The following DTNA variants were observed in gnomAD, a reference collection of about 807,000 sequenced individuals.
The protein encoded by DTNA is dystrophin-related protein 3.
In DTNA, 43 loss-of-function variants were observed where a neutral mutation model predicts 100.7. The ratio of observed to expected loss-of-function variants is 0.43; its 90% CI spans 0.33 to 0.55. DTNA has a LOEUF of 0.55. Among genes scored for constraint, DTNA ranks in the 20% least tolerant of loss-of-function variants. DTNA has a pLI of 0.04. For missense variants in DTNA, 798 were observed against 953.9 expected, an observed-to-expected ratio of 0.84 and a Z score of 2.15; for synonymous variants, 349 against 347.9, an observed-to-expected ratio of 1.00 and a Z score of -0.04.
intron 11 of DTNA, among the ~76,000 whole-genome samples, chr18:34,836,907 G>A (rs1437706652): frequency 6.6e-6 from 1 of 151,986 alleles, no homozygotes; most frequent in Non-Finnish European, 1.5e-5. Context: ...AATGTGCATA[G>A]TTCTAATGTG....
intron 4 of DTNA, among the ~76,000 whole-genome samples, chr18:34,797,492 G>A (rs1355437645): frequency 2.0e-5 from 3 of 152,028 alleles, no homozygotes; most frequent in East Asian, 1.9e-4. Context: ...GGAGCCTTCC[G>A]CTCCTCTGTC....
chr18:34,773,733 C>G (rs2093902424), intron 3 of DTNA, among the ~76,000 whole-genome samples: 1 of 152,178 alleles, frequency 6.6e-6, no homozygotes, highest in South Asian at 2.1e-4. Flanking sequence ...GGAAAAACTG[C>G]TCCTCTCTGG....
intron 1 of DTNA, among the ~76,000 whole-genome samples, chr18:34,653,039 C>G (rs1320717872): frequency 6.6e-6 from 1 of 152,118 alleles, no homozygotes; most frequent in African/African-American, 2.4e-5. Flanking sequence ...TATAATTTCT[C>G]TTAAATGTCA....
rs565953126 is a variant in DTNA, at chr18:34,575,336, G to A, written c.-2+81822G>A. 4.6e-5 allele frequency among the ~76,000 whole-genome samples: 7 copies of A among 152,196 alleles called. No homozygotes were observed. In the East Asian group the frequency reaches 1.3e-3, roughly 29 times the overall value. ...GTTTGTAAGGAAGATTTTACTTGAT[G>A]TTATACGTGATTCTTCAAAACTCTT... On this transcript the variant is annotated intron_variant, in intron 1 of 19. Coordinates refer to the DTNA transcript ENST00000283365.
At chr18:34,820,722 G>A in intron 8 of DTNA, 69 bp from the exon 9 acceptor site, 1 of 1,606,738 alleles carries the variant, frequency 6.2e-7, no homozygotes, top group Non-Finnish European at 8.5e-7. Flanking sequence ...ATTATGAAAA[G>A]CAAATCATTT....
chr18:34,796,978 G>T (rs1411361388), intron 4 of DTNA, among the ~76,000 whole-genome samples: 1 of 152,136 alleles, frequency 6.6e-6, no homozygotes, highest in Non-Finnish European at 1.5e-5. Context: ...ATACCAGGAT[G>T]CTTACTGCAG....
At position 34,778,320 on chromosome 18, in the gene DTNA, A is replaced by G. The variant is rs907010299; in HGVS notation, c.148+12279A>G. Among the ~76,000 whole-genome samples, 20 of 152,352 alleles carry G rather than the reference A, an allele frequency of 1.3e-4. 1 individual carries two copies. Among genetic ancestry groups the G allele is most frequent in the Admixed American group, 9.8e-4 (15 of 15,308 alleles). On this transcript the variant is annotated intron_variant, in intron 3 of 22. Transcript: ENST00000444659. ...GTATTTAGGCAAAAGACTTTTAAAA[A>G]GACAATTGCATTTTTTATTACATTA...
intron 2 of DTNA, chr18:34,760,138 T>C (rs1250580039): frequency 6.6e-6 from 1 of 152,202 alleles, no homozygotes; most frequent in Non-Finnish European, 1.5e-5. Flanking sequence ...ATGACATGAA[T>C]GACCCCACCA....
chr18:34,515,677 G>A (rs1677985067), intron 1 of DTNA, among the ~76,000 whole-genome samples: 1 of 152,042 alleles, frequency 6.6e-6, no homozygotes, highest in Admixed American at 6.6e-5. Flanking sequence ...ACTGTTCATT[G>A]CTTAATGTAT....
At chr18:34,808,793 T>C (rs978170628) in intron 5 of DTNA, among the ~76,000 whole-genome samples, 4 of 152,130 alleles carry the variant, frequency 2.6e-5, no homozygotes, top group Admixed American at 1.3e-4. Context: ...TTTAGGGCAG[T>C]GAAAGAAGCA....
intron 1 of DTNA, among the ~76,000 whole-genome samples, chr18:34,519,296 A>G (rs981406433): frequency 2.0e-5 from 3 of 152,182 alleles, no homozygotes; most frequent in African/African-American, 7.2e-5. Context: ...CTAAGGAAAG[A>G]TGTTATAAAT....
At chr18:34,522,553 G>C (rs934898063) in intron 1 of DTNA, among the ~76,000 whole-genome samples, 1 of 152,120 alleles carries the variant, frequency 6.6e-6, no homozygotes, top group African/African-American at 2.4e-5. Flanking sequence ...TGACCACTCT[G>C]AGCCATTTCC....
chr18:34,508,344 A>G (rs985213312), intron 1 of DTNA, among the ~76,000 whole-genome samples: 8 of 152,082 alleles, frequency 5.3e-5, no homozygotes, highest in Non-Finnish European at 1.5e-5. Context: ...GTCCAAATTA[A>G]TCATTGTCAT....
intron 1 of DTNA, among the ~76,000 whole-genome samples, chr18:34,581,262 CAAAACAAAACAAA>C (rs2048593322): frequency 6.8e-6 from 1 of 147,114 alleles, no homozygotes; most frequent in African/African-American, 2.6e-5. Flanking sequence ...CAAAACAAAA[CAAAACAAAACAAA>C]AAAACAAAAC....
chr18:34,810,475 TAA>T (rs1197608635), intron 5 of DTNA, among the ~76,000 whole-genome samples: 1 of 132,116 alleles, frequency 7.6e-6, no homozygotes. Flanking sequence ...ATGTGGGAGC[TAA>T]AAAAAAAAAA....
At chr18:34,680,257 A>G (rs1477711995) in intron 1 of DTNA, among the ~76,000 whole-genome samples, 7 of 152,188 alleles carry the variant, frequency 4.6e-5, no homozygotes, top group African/African-American at 1.7e-4. Context: ...TTACATCATC[A>G]TATGTCATCA....
At chr18:34,725,278 G>A (rs1282805764) in intron 1 of DTNA, among the ~76,000 whole-genome samples, 1 of 152,076 alleles carries the variant, frequency 6.6e-6, no homozygotes, top group African/African-American at 2.4e-5. Context: ...CTTCTGCACA[G>A]TAAAAGAAAC....
At chr18:34,818,102 T>G (rs1268472048) in intron 7 of DTNA, 62 bp from the exon 8 acceptor site, 3 of 1,612,836 alleles carry the variant, frequency 1.9e-6, no homozygotes, top group African/African-American at 2.7e-5. Flanking sequence ...AAGGCTGTAT[T>G]TTTCCTTCTT....
intron 1 of DTNA, among the ~76,000 whole-genome samples, chr18:34,570,776 T>C (rs2146412484): frequency 6.6e-6 from 1 of 152,276 alleles, no homozygotes; most frequent in Admixed American, 6.5e-5. Context: ...TAGATGCAGT[T>C]AAAGTGGGGA....
Sources: gnomAD v4.1 joint callset for allele counts (sites outside exome capture counted in the v4.1 genomes callset) on GRCh38, gnomAD v4.1.1 for gene constraint, MANE v1.5 for transcripts, NCBI Gene and HGNC (gene_info 2026-07-23, HGNC 2026-07-21) for gene names.